The following GPC6 variants were observed in gnomAD, a reference collection of about 807,000 sequenced individuals.
The protein encoded by GPC6 is glypican 6.
Under a neutral mutation model 55.2 loss-of-function variants are expected in GPC6, and 14 were observed. The ratio of observed to expected loss-of-function variants is 0.25; its 90% CI spans 0.17 to 0.40. The LOEUF is 0.40. Ranked by LOEUF, GPC6 falls within the 10% of genes least tolerant of loss-of-function variation. GPC6 has a pLI of 1.00. For missense variants in GPC6, 641 were observed against 708.5 expected (o/e 0.90, Z 1.08); for synonymous variants, 278 against 259.6 (o/e 1.07, Z -0.68).
At chr13:94,378,038 G>A (rs1371798879) in intron 6 of GPC6, among the ~76,000 whole-genome samples, 1 of 152,138 alleles carries the variant, frequency 6.6e-6, no homozygotes, top group Non-Finnish European at 1.5e-5. Context: ...ACACTCTGGG[G>A]ACTGTTGTGG....
At chr13:94,320,482 T>A (rs1566671474) in intron 6 of GPC6, among the ~76,000 whole-genome samples, 1 of 152,208 alleles carries the variant, frequency 6.6e-6, no homozygotes, top group Non-Finnish European at 1.5e-5. Flanking sequence ...TGGAAATTAA[T>A]CAATGGAAAG....
intron 2 of GPC6, among the ~76,000 whole-genome samples, chr13:93,607,513 T>C (rs1218487189): frequency 6.6e-6 from 1 of 152,146 alleles, no homozygotes. Context: ...AGGTTGAATT[T>C]TCCTTCCTTG....
intron 1 of GPC6, among the ~76,000 whole-genome samples, chr13:93,292,024 C>T (rs2025949): frequency 0.45 from 68,348 of 152,008 alleles, 17,311 homozygotes; most frequent in African/African-American, 0.69. Flanking sequence ...TTAAGAATCT[C>T]AGTTTTACCA....
At chr13:93,929,954 A>T (rs1878072527) in intron 3 of GPC6, among the ~76,000 whole-genome samples, 2 of 152,136 alleles carry the variant, frequency 1.3e-5, no homozygotes, top group African/African-American at 4.8e-5. Context: ...AGTATGGCAC[A>T]ATCTTGATCA....
chr13:93,447,818 T>C (rs1335434282), intron 1 of GPC6, among the ~76,000 whole-genome samples: 1 of 152,206 alleles, frequency 6.6e-6, no homozygotes, highest in Non-Finnish European at 1.5e-5. Flanking sequence ...AGCTTTTCAT[T>C]GTTTCAGTGA....
chr13:93,392,271 A>G (rs1875661025), intron 1 of GPC6, among the ~76,000 whole-genome samples: 1 of 152,208 alleles, frequency 6.6e-6, no homozygotes, highest in African/African-American at 2.4e-5. Context: ...TTCAGCTCCA[A>G]TTGCAACATT....
intron 4 of GPC6, among the ~76,000 whole-genome samples, chr13:94,155,770 G>C (rs1887910938): frequency 6.6e-6 from 1 of 152,144 alleles, no homozygotes; most frequent in African/African-American, 2.4e-5. Flanking sequence ...CAAAGTCCTT[G>C]ACATAGACAT....
chr13:93,798,148 G>T (rs1314084029), intron 2 of GPC6, among the ~76,000 whole-genome samples: 1 of 152,154 alleles, frequency 6.6e-6, no homozygotes, highest in Non-Finnish European at 1.5e-5. Context: ...AAGGTCTAGG[G>T]TGTGACTACC....
At chr13:93,780,499 A>C (rs889003045) in intron 2 of GPC6, among the ~76,000 whole-genome samples, 1 of 152,072 alleles carries the variant, frequency 6.6e-6, no homozygotes, top group Non-Finnish European at 1.5e-5. Context: ...CTAAACTGGT[A>C]CACAGCATTC....
intron 2 of GPC6, among the ~76,000 whole-genome samples, chr13:93,698,086 C>A (rs1882523131): frequency 6.6e-6 from 1 of 152,070 alleles, no homozygotes; most frequent in African/African-American, 2.4e-5. Flanking sequence ...ATCATTGAGT[C>A]CTTTCTATTC....
chr13:94,079,400 A>G (rs1159497003), intron 4 of GPC6, among the ~76,000 whole-genome samples: 2 of 152,134 alleles, frequency 1.3e-5, no homozygotes, highest in African/African-American at 4.8e-5. Flanking sequence ...GAAGTGTGAG[A>G]TAAATATAAA....
chr13:94,019,292 G>A (rs1212190669), intron 3 of GPC6, among the ~76,000 whole-genome samples: 1 of 151,904 alleles, frequency 6.6e-6, no homozygotes, highest in African/African-American at 2.4e-5. Context: ...GTCTTGGTAG[G>A]GTGTATCTTT....
At chr13:93,415,926 T>C (rs1452895861) in intron 1 of GPC6, among the ~76,000 whole-genome samples, 1 of 152,114 alleles carries the variant, frequency 6.6e-6, no homozygotes, top group Admixed American at 6.6e-5. Flanking sequence ...GACTGCCTTA[T>C]ATATTTGATA....
chr13:93,357,447 T>C (rs1880887934), intron 1 of GPC6, among the ~76,000 whole-genome samples: 1 of 152,226 alleles, frequency 6.6e-6, no homozygotes, highest in Non-Finnish European at 1.5e-5. Flanking sequence ...TATAGGATCC[T>C]AACAACATTA....
rs879370637 is a variant in GPC6, at chr13:93,743,772, C to T, written c.320-86382C>T. Among the ~76,000 whole-genome samples the T allele has an allele frequency of 2.0e-4, 30 of 152,090 alleles. 1 individual carries two copies. The East Asian group carries it at 3.5e-3, about 18-fold the overall frequency. ...CCCTTTTTAACTAATAGAAACAATT[C>T]AAGAATGTCTCCCTGTGTACTATTT... On this transcript the variant is annotated intron_variant, in intron 2 of 8. Transcript: ENST00000377047.
At chr13:93,519,476 A>T (rs1881326191) in intron 1 of GPC6, among the ~76,000 whole-genome samples, 1 of 152,028 alleles carries the variant, frequency 6.6e-6, no homozygotes, top group South Asian at 2.1e-4. Context: ...CTGATCTTCA[A>T]CCTGAAAATC....
intron 2 of GPC6, among the ~76,000 whole-genome samples, chr13:93,786,583 G>GA (rs775947342): frequency 1.5e-3 from 199 of 130,690 alleles, no homozygotes; most frequent in Admixed American, 2.6e-3. Context: ...ATTTCCAGTT[G>GA]AAAAAAAAAA....
chr13:93,765,710 A>G (rs1314948908), intron 2 of GPC6, among the ~76,000 whole-genome samples: 1 of 152,214 alleles, frequency 6.6e-6, no homozygotes. Context: ...AATACAGGAC[A>G]ATTAATGAAA....
chr13:93,547,945 G>C (rs1354099302), intron 2 of GPC6, among the ~76,000 whole-genome samples: 3 of 152,128 alleles, frequency 2.0e-5, no homozygotes, highest in Admixed American at 6.5e-5. Flanking sequence ...TTCCATGAGT[G>C]ATTGTGCATT....
Sources: gnomAD v4.1 joint callset for allele counts (sites outside exome capture counted in the v4.1 genomes callset) on GRCh38, gnomAD v4.1.1 for gene constraint, MANE v1.5 for transcripts, NCBI Gene and HGNC (gene_info 2026-07-23, HGNC 2026-07-21) for gene names.